Variants in DHDH observed in about 807,000 individuals in gnomAD.
The protein encoded by DHDH is trans-1,2-dihydrobenzene-1,2-diol dehydrogenase.
A neutral mutation model predicts 33.2 loss-of-function variants in DHDH; 29 were observed. The observed-to-expected ratio is 0.87, with a 90% CI of 0.65 to 1.19. The LOEUF (loss-of-function observed/expected upper bound fraction) is 1.19, where lower values mean the gene tolerates loss of function less well. DHDH is among the 50% of genes most tolerant of loss of function. DHDH has a pLI of 0.00. For synonymous variants in DHDH, 201 were observed against 187.9 expected, an observed-to-expected ratio of 1.07 and a Z score of -0.57; for missense variants, 431 against 455.0, an observed-to-expected ratio of 0.95 and a Z score of 0.48.
intron 1 of DHDH, among the ~76,000 whole-genome samples, chr19:48,934,554 T>C (rs2037745642): frequency 6.6e-6 from 1 of 152,200 alleles, no homozygotes; most frequent in Admixed American, 6.5e-5. Context: ...TACCTGTGGC[T>C]GGAGGCGAGA....
At chr19:48,933,604 A>C (rs889883002), upstream of DHDH, 3 of 904,736 alleles carry the variant, frequency 3.3e-6, no homozygotes, top group Admixed American at 6.0e-5. Context: ...GCCAACGAGA[A>C]TCGGCGTAGG....
At chr19:48,935,196 C>T (rs969201130) in intron 2 of DHDH, 85 bp downstream of exon 2, 1 of 1,047,306 alleles carries the variant, frequency 9.5e-7, no homozygotes, top group African/African-American at 1.7e-5. Context: ...CAAGGCTCCT[C>T]AGGATGGTCC....
At chr19:48,934,179 G>A (rs1417566052) in intron 1 of DHDH, among the ~76,000 whole-genome samples, 1 of 152,208 alleles carries the variant, frequency 6.6e-6, no homozygotes, top group East Asian at 1.9e-4. Flanking sequence ...GATGTGCCTT[G>A]TTAACAATAT....
At chr19:48,942,293 C>G in intron 4 of DHDH, 147 bp from the exon 5 acceptor site, 1 of 929,434 alleles carries the variant, frequency 1.1e-6, no homozygotes, top group East Asian at 3.0e-5. Context: ...CGTGAGCCAC[C>G]GCGACCAGCC....
rs768398076 is a variant in DHDH, at chr19:48,939,627, T to A, written c.545T>A (p.Val182Asp). ...CTGCTGGACATCGGCATCTACTGTG[T>A]CCAGTTCACCTCCATGGTCTTTGGA... is the stretch of plus-strand genomic sequence containing the variant. ...GALLDIGIYCVQFTSMVFGGQ... is the reference protein window; with the variant it reads ...GALLDIGIYCDQFTSMVFGGQ... Residue 182 changes from valine (V) to aspartate (D), a missense_variant, in exon 4 of 7, where the codon GTC becomes GAC. Coordinates refer to ENST00000221403, the MANE Select transcript of DHDH (RefSeq NM_014475.4). 2 of 1,613,868 alleles carry A rather than the reference T, an allele frequency of 1.2e-6. No individual in the cohort carries two copies. Among genetic ancestry groups the A allele is most frequent in the Non-Finnish European group, 1.7e-6 (2 of 1,179,934 alleles).
intron 3 of DHDH, among the ~76,000 whole-genome samples, chr19:48,937,305 G>C (rs1352840017): frequency 6.6e-6 from 1 of 152,122 alleles, no homozygotes; most frequent in East Asian, 1.9e-4. Context: ...TCCGAGCCCG[G>C]GCGGACCTCG....
intron 3 of DHDH, among the ~76,000 whole-genome samples, chr19:48,938,549 C>G (rs2037812250): frequency 6.6e-6 from 1 of 152,058 alleles, no homozygotes; most frequent in South Asian, 2.1e-4. Flanking sequence ...ACTCTTAAAC[C>G]CACTGGCCTG....
intron 3 of DHDH, among the ~76,000 whole-genome samples, chr19:48,936,753 T>G (rs898408667): frequency 6.7e-6 from 1 of 149,500 alleles, no homozygotes; most frequent in East Asian, 2.0e-4. Context: ...AGAGTGAAAG[T>G]GGCATAGAAT....
intron 5 of DHDH, among the ~76,000 whole-genome samples, chr19:48,943,774 C>T (rs2037899586): frequency 6.6e-6 from 1 of 150,772 alleles, no homozygotes; most frequent in South Asian, 2.1e-4. Flanking sequence ...TGCAGTGACC[C>T]GAGATCGAGC....
chr19:48,936,589 G>C (rs966799594), intron 3 of DHDH, among the ~76,000 whole-genome samples: 19 of 149,682 alleles, frequency 1.3e-4, no homozygotes, highest in Non-Finnish European at 2.4e-4. Context: ...CCAGCTACTT[G>C]GGAGGCTGAG....
rs191780145 is a variant in DHDH, at chr19:48,933,817, C to T, written c.90+6C>T. 7.8e-5 allele frequency: 126 copies of T among 1,607,512 alleles called. No homozygotes were observed. In the African/African-American group the frequency reaches 1.3e-3, roughly 17 times the overall value. On this transcript the variant is annotated splice_donor_region_variant and intron_variant, in intron 1 of 6. Transcript: ENST00000221403. ...TGCCTCGCTCTGAGCACCAGGTCTG[C>T]CCGCCCTCCGGATTCTGGGGAAGAG...
At chr19:48,938,304 C>A (rs1019685360) in intron 3 of DHDH, among the ~76,000 whole-genome samples, 3 of 152,040 alleles carry the variant, frequency 2.0e-5, no homozygotes, top group Admixed American at 6.6e-5. Context: ...GCTATGTTGT[C>A]CAGGCTGGTC....
intron 3 of DHDH, 86 bp from the exon 4 acceptor site, chr19:48,939,363 C>T (rs1328527521): frequency 1.5e-5 from 22 of 1,471,718 alleles, no homozygotes; most frequent in East Asian, 1.1e-4. Flanking sequence ...TGTTTGGAGA[C>T]TGGGTTGCAG....
chr19:48,934,695 C>A (rs1025831413), intron 1 of DHDH, among the ~76,000 whole-genome samples: 1 of 150,940 alleles, frequency 6.6e-6, no homozygotes, highest in East Asian at 2.0e-4. Context: ...GATACAGATT[C>A]CTTTTCTACA....
chr19:48,940,947 G>A (rs551588242), intron 4 of DHDH, among the ~76,000 whole-genome samples: 8 of 150,854 alleles, frequency 5.3e-5, no homozygotes, highest in Non-Finnish European at 1.2e-4. Flanking sequence ...CTCCCCGAGA[G>A]CTGGGATTAC....
chr19:48,933,687 G>C, upstream of DHDH: 1 of 1,609,590 alleles, frequency 6.2e-7, no homozygotes. Flanking sequence ...CGCGCCTGGA[G>C]GGACCGAAGG....
At chr19:48,938,538 A>T (rs1049969402) in intron 3 of DHDH, among the ~76,000 whole-genome samples, 2 of 152,056 alleles carry the variant, frequency 1.3e-5, no homozygotes, top group African/African-American at 4.8e-5. Flanking sequence ...ATGCACACGT[A>T]ACTCTTAAAC....
At chr19:48,944,243 C>G in intron 5 of DHDH, 114 bp from the exon 6 acceptor site, 1 of 1,450,758 alleles carries the variant, frequency 6.9e-7, no homozygotes, top group Non-Finnish European at 9.5e-7. Flanking sequence ...AGGGCAAGCT[C>G]TTAGCCACCA....
rs1421374790 is a variant in DHDH, at chr19:48,944,413, G to A, written c.801G>A (p.Glu267=). Residue 267 remains glutamate, a synonymous_variant, in exon 6 of 7, where the codon GAG becomes GAA. Transcript: ENST00000221403. ...TELVVKGEHK[E]FPLPPVPKDC... ...TGGTGGTGAAGGGGGAGCATAAGGA[G>A]TTCCCGCTGCCCCCAGTCCCAAAGG... 1.2e-6 allele frequency: 2 copies of A among 1,614,180 alleles called. No individual in the cohort carries two copies. The highest frequency in any genetic ancestry group is 1.3e-5 in the African/African-American group (1 of 75,062).
Sources: gnomAD v4.1 joint callset for allele counts (sites outside exome capture counted in the v4.1 genomes callset) on GRCh38, gnomAD v4.1.1 for gene constraint, MANE v1.5 for transcripts, NCBI Gene and HGNC (gene_info 2026-07-23, HGNC 2026-07-21) for gene names.